PIWIL4: variants seen among roughly 807,000 people sequenced by gnomAD.
The protein encoded by PIWIL4 is piwi like RNA-mediated gene silencing 4.
PIWIL4 carries 50 observed loss-of-function variants against 100.9 expected under a neutral mutation model. The observed-to-expected ratio is 0.50, with a 90% CI of 0.39 to 0.63. The LOEUF is 0.63. PIWIL4 is among the 20% of genes least tolerant of loss of function. The pLI is 0.00. For synonymous variants in PIWIL4, 342 were observed against 367.5 expected (o/e 0.93, Z 0.79); for missense variants, 887 against 1,043.3 (o/e 0.85, Z 2.06).
chr11:94,604,106 G>GCTTTATAT, intron 13 of PIWIL4, 50 bp downstream of exon 13: 1 of 1,239,174 alleles, frequency 8.1e-7, no homozygotes, highest in Admixed American at 2.1e-5. Context: ...TTTTAGTTCT[G>GCTTTATAT]CTTTATATCT....
At chr11:94,615,382 G>A (rs1326821442) in intron 15 of PIWIL4, among the ~76,000 whole-genome samples, 1 of 152,164 alleles carries the variant, frequency 6.6e-6, no homozygotes, top group East Asian at 1.9e-4. Context: ...CAGGTAAAGT[G>A]AATCTCTTTG....
At chr11:94,603,426 G>C (rs1162194513) in intron 12 of PIWIL4, among the ~76,000 whole-genome samples, 1 of 152,210 alleles carries the variant, frequency 6.6e-6, no homozygotes, top group Non-Finnish European at 1.5e-5. Context: ...TGTAAGCACA[G>C]AACAGATAAT....
intron 11 of PIWIL4, among the ~76,000 whole-genome samples, chr11:94,600,912 C>T (rs758072988): frequency 7.2e-5 from 11 of 151,964 alleles, no homozygotes; most frequent in African/African-American, 1.2e-4. Context: ...CCCGGCTCAC[C>T]GGTGGTCAGA....
chr11:94,576,176 C>A (rs775301570), intron 3 of PIWIL4, among the ~76,000 whole-genome samples: 1 of 152,116 alleles, frequency 6.6e-6, no homozygotes, highest in Non-Finnish European at 1.5e-5. Context: ...ACTCTGTTGC[C>A]CAGGCTGGAG....
At chr11:94,590,439 A>G (rs1020036758) in intron 8 of PIWIL4, among the ~76,000 whole-genome samples, 11 of 152,152 alleles carry the variant, frequency 7.2e-5, no homozygotes, top group African/African-American at 2.7e-4. Context: ...TCACAAAGGA[A>G]CCATTATTCA....
chr11:94,567,704 C>A, intron 1 of PIWIL4, 99 bp downstream of exon 1: 1 of 1,335,604 alleles, frequency 7.5e-7, no homozygotes, highest in Non-Finnish European at 9.7e-7. Flanking sequence ...CTCTCTGTTA[C>A]GAAGTAGTGC....
chr11:94,567,579 G>C lies in PIWIL4; in HGVS notation c.61G>C (p.Val21Leu). The C allele has an allele frequency of 6.2e-7, 1 of 1,606,926 alleles. No individual in the cohort carries two copies. The highest frequency in any genetic ancestry group is 1.1e-5 in the South Asian group (1 of 89,292). The change falls in exon 1 of 20, where the codon GTG becomes CTG. Residue 21 changes from valine (V) to leucine (L), a missense_variant. This residue lies in a region of PIWIL4 where 146 missense variants were observed against 113.4 expected (regional missense o/e 1.29). Transcript: ENST00000299001. ...CGCCCGCAGCCCCAGTGCCACAGAA[G>C]TGGGGCGCATCCAAGCCTCGCCATT... ...GIARSPSATE[V>L]GRIQASPLPR...
At chr11:94,576,696 T>A (rs557710957) in intron 3 of PIWIL4, among the ~76,000 whole-genome samples, 8 of 152,188 alleles carry the variant, frequency 5.3e-5, no homozygotes, top group Non-Finnish European at 1.2e-4. Context: ...AGAAACCTTG[T>A]CTGTTTTCAC....
chr11:94,617,925 T>A (rs1401098890), intron 16 of PIWIL4, 29 bp from the exon 17 acceptor site: 1 of 1,607,844 alleles, frequency 6.2e-7, no homozygotes, highest in Non-Finnish European at 8.5e-7. Context: ...GAAAAGTAAT[T>A]CTTTTCTTAC....
At chr11:94,568,851 A>C in intron 2 of PIWIL4, 43 bp downstream of exon 2, 1 of 1,530,990 alleles carries the variant, frequency 6.5e-7, no homozygotes, top group South Asian at 1.1e-5. Flanking sequence ...ATTCAACCTG[A>C]ATGGAGCAAG....
intron 15 of PIWIL4, among the ~76,000 whole-genome samples, chr11:94,611,335 G>A (rs1020778832): frequency 1.3e-5 from 2 of 151,962 alleles, no homozygotes; most frequent in Admixed American, 1.3e-4. Flanking sequence ...TTTTGTTGAG[G>A]ATTTTTACAT....
At chr11:94,595,275 A>G (rs1172401406) in intron 9 of PIWIL4, 34 bp from the exon 10 acceptor site, 5 of 1,588,674 alleles carry the variant, frequency 3.1e-6, no homozygotes, top group African/African-American at 1.3e-5. Flanking sequence ...GCTTATGTTC[A>G]TTTTCTCACT....
In PIWIL4 at chr11:94,597,113, T is replaced by C. The variant is rs543637443; in HGVS notation, c.1269-691T>C. ...ACTATGATTAAAGCTTATTAAGTTA[T>C]AAATGGAAAGTACTACACAATAGAA... On this transcript the variant is annotated intron_variant, in intron 10 of 19. Transcript: ENST00000299001. 1.2e-4 allele frequency among the ~76,000 whole-genome samples: 18 copies of C among 152,352 alleles called. No homozygotes were observed. The South Asian group carries it at 1.5e-3, about 12-fold the overall frequency.
rs115696532 is a variant in PIWIL4 at position 94,586,174 on chromosome 11, A to C, written c.716+649A>C. On this transcript the variant is annotated intron_variant, in intron 6 of 19. Coordinates refer to ENST00000299001, the MANE Select transcript of PIWIL4 (RefSeq NM_152431.3). ...AAAATGACGGAGTTTCCATATGTTC[A>C]TTCAGAGTGTCAGCGTGCTCTCTAT... Among the ~76,000 whole-genome samples, 484 of 151,942 alleles carry C rather than the reference A, an allele frequency of 3.2e-3. 2 individuals are homozygous for C. Among genetic ancestry groups the C allele is most frequent in the African/African-American group, 0.01 (419 of 41,454 alleles).
chr11:94,605,544 T>G (rs1264304935), intron 13 of PIWIL4, among the ~76,000 whole-genome samples: 1 of 152,230 alleles, frequency 6.6e-6, no homozygotes, highest in African/African-American at 2.4e-5. Flanking sequence ...CAGTTGCATG[T>G]GTACATATGT....
At chr11:94,571,041 G>C (rs1257678196) in intron 2 of PIWIL4, among the ~76,000 whole-genome samples, 2 of 152,060 alleles carry the variant, frequency 1.3e-5, no homozygotes. Flanking sequence ...TGAGGGTCTG[G>C]TCCCCCCACC....
chr11:94,611,579 T>C, intron 15 of PIWIL4, among the ~76,000 whole-genome samples: 1 of 152,190 alleles, frequency 6.6e-6, no homozygotes, highest in East Asian at 1.9e-4. Context: ...CTCCAAAAAA[T>C]GTGATCCCCA....
intron 4 of PIWIL4, 79 bp downstream of exon 4, chr11:94,577,571 A>T (rs1393566352): frequency 1.1e-5 from 12 of 1,065,122 alleles, no homozygotes; most frequent in Non-Finnish European, 1.6e-5. Context: ...ATATATATGC[A>T]TATGCAAGGA....
chr11:94,611,999 C>G (rs1276418016), intron 15 of PIWIL4, among the ~76,000 whole-genome samples: 1 of 152,070 alleles, frequency 6.6e-6, no homozygotes, highest in Admixed American at 6.5e-5. Flanking sequence ...GGAGAATGTT[C>G]CATGTGTGCT....
Sources: allele counts gnomAD v4.1 joint callset (sites outside exome capture counted in the v4.1 genomes callset), GRCh38; gene constraint gnomAD v4.1.1; regional missense constraint gnomAD v4.1.1; transcripts MANE v1.5; gene names NCBI Gene and HGNC (gene_info 2026-07-23, HGNC 2026-07-21).